GALNT17: variants seen among roughly 807,000 people sequenced by gnomAD.
GALNT17 encodes the protein polypeptide N-acetylgalactosaminyltransferase 17.
A neutral mutation model predicts 63.7 loss-of-function variants in GALNT17; 29 were observed. That is an observed-to-expected ratio of 0.46 (90% CI 0.34 to 0.62). The LOEUF is 0.62. GALNT17 is among the 20% of genes least tolerant of loss of function. The pLI, the probability that GALNT17 is intolerant of heterozygous loss-of-function variation, is 0.01. For synonymous variants in GALNT17, 305 were observed against 318.3 expected (o/e 0.96, Z 0.45); for missense variants, 603 against 799.6 (o/e 0.75, Z 2.97).
intron 2 of GALNT17, among the ~76,000 whole-genome samples, chr7:71,371,855 G>A (rs1027063773): frequency 6.6e-6 from 1 of 152,160 alleles, no homozygotes; most frequent in Non-Finnish European, 1.5e-5. Context: ...CTTGCTTTTG[G>A]TTTGTGGTAC....
intron 6 of GALNT17, among the ~76,000 whole-genome samples, chr7:71,636,742 CCA>C (rs1471755811): frequency 1.3e-5 from 2 of 152,152 alleles, no homozygotes; most frequent in Admixed American, 6.5e-5. Context: ...ACATTTTTCT[CCA>C]GTCTTATTCA....
chr7:71,673,218 G>T (rs925329114), intron 8 of GALNT17, among the ~76,000 whole-genome samples: 11 of 152,096 alleles, frequency 7.2e-5, no homozygotes, highest in African/African-American at 2.7e-4. Flanking sequence ...CTGAAATAAG[G>T]ACAAAGATTT....
intron 1 of GALNT17, among the ~76,000 whole-genome samples, chr7:71,216,236 A>AAG (rs148129870): frequency 2.6e-5 from 4 of 150,976 alleles, no homozygotes; most frequent in East Asian, 1.9e-4. Context: ...CCAAAACATG[A>AAG]AGAGAGAGAG....
intron 1 of GALNT17, among the ~76,000 whole-genome samples, chr7:71,259,045 TTGCAATCACC>T (rs1562953204): frequency 6.6e-6 from 1 of 152,102 alleles, no homozygotes; most frequent in Non-Finnish European, 1.5e-5. Context: ...TCTAATGATA[TTGCAATCACC>T]TAAGACCCCA....
chr7:71,347,145 G>C (rs1792110583), intron 2 of GALNT17, among the ~76,000 whole-genome samples: 1 of 152,062 alleles, frequency 6.6e-6, no homozygotes, highest in South Asian at 2.1e-4. Flanking sequence ...AGTACTTATG[G>C]GTGAATGTTC....
intron 5 of GALNT17, among the ~76,000 whole-genome samples, chr7:71,440,778 A>G (rs921932493): frequency 2.6e-5 from 4 of 152,060 alleles, no homozygotes; most frequent in African/African-American, 9.7e-5. Flanking sequence ...GAAGATTATC[A>G]CTTGTTCTCA....
chr7:71,349,009 G>A (rs1792143139), intron 2 of GALNT17, among the ~76,000 whole-genome samples: 1 of 152,162 alleles, frequency 6.6e-6, no homozygotes, highest in South Asian at 2.1e-4. Flanking sequence ...GCTCACTTTA[G>A]GCAGTTTGCC....
intron 1 of GALNT17, among the ~76,000 whole-genome samples, chr7:71,319,103 T>TTTCTTTCTTTCTTTCTTTCTTTCTTTCC (rs1791556244): frequency 2.7e-5 from 4 of 150,662 alleles, no homozygotes; most frequent in Non-Finnish European, 5.9e-5. Context: ...TTTATCTTTC[T>TTTCTTTCTTTCTTTCTTTCTTTCTTTCC]TTCTTTCTTT....
intron 7 of GALNT17, among the ~76,000 whole-genome samples, chr7:71,666,259 G>C (rs556648412): frequency 2.0e-5 from 3 of 151,594 alleles, no homozygotes; most frequent in African/African-American, 7.3e-5. Context: ...TCAAGCCCCT[G>C]ATGCAAAATG....
At chr7:71,318,736 C>T (rs1407694230) in intron 1 of GALNT17, among the ~76,000 whole-genome samples, 1 of 152,128 alleles carries the variant, frequency 6.6e-6, no homozygotes, top group Admixed American at 6.6e-5. Flanking sequence ...CCCCCTGCAG[C>T]TCTTTGGAGA....
chr7:71,684,939 T>C (rs945217979), intron 9 of GALNT17, among the ~76,000 whole-genome samples: 1 of 151,492 alleles, frequency 6.6e-6, no homozygotes, highest in East Asian at 2.0e-4. Context: ...TGCTAGTATT[T>C]TGGATGTGAG....
At chr7:71,368,375 C>T (rs1792553873) in intron 2 of GALNT17, among the ~76,000 whole-genome samples, 1 of 152,136 alleles carries the variant, frequency 6.6e-6, no homozygotes, top group Admixed American at 6.6e-5. Flanking sequence ...TGTACATTTT[C>T]TCTCCTCTGT....
In GALNT17 at chr7:71,428,152, G is replaced by C. The variant is rs183725842; in HGVS notation, c.962+7047G>C. The stretch of plus-strand genomic sequence containing the variant: ...AAAGTGTGAAGTTCAGTGGCAATAA[G>C]AACATTCCCAGTGTTGTGCAACTAT... On this transcript the variant is annotated intron_variant, in intron 5 of 10. Transcript: ENST00000333538. Among the ~76,000 whole-genome samples, 110 of 152,224 alleles carry C rather than the reference G, an allele frequency of 7.2e-4. 1 individual carries two copies. Among genetic ancestry groups the C allele is most frequent in the African/African-American group, 2.5e-3 (103 of 41,548 alleles).
At chr7:71,264,227 A>G (rs1010705042) in intron 1 of GALNT17, among the ~76,000 whole-genome samples, 7 of 152,168 alleles carry the variant, frequency 4.6e-5, no homozygotes, top group Admixed American at 2.0e-4. Context: ...GGGGTTGAGC[A>G]TGCCGCACAT....
chr7:71,397,939 T>C (rs1344660149), intron 3 of GALNT17, among the ~76,000 whole-genome samples: 1 of 92,076 alleles, frequency 1.1e-5, no homozygotes, highest in Non-Finnish European at 2.3e-5. Flanking sequence ...TCCATTATTG[T>C]CTTTGTTGTT....
intron 1 of GALNT17, among the ~76,000 whole-genome samples, chr7:71,243,847 T>G (rs1413048259): frequency 6.6e-6 from 1 of 152,224 alleles, no homozygotes; most frequent in Non-Finnish European, 1.5e-5. Context: ...ATAAAAGGAC[T>G]GAAACAAGTC....
intron 1 of GALNT17, among the ~76,000 whole-genome samples, chr7:71,225,188 T>C (rs899007967): frequency 3.3e-5 from 5 of 152,132 alleles, no homozygotes; most frequent in African/African-American, 1.2e-4. Flanking sequence ...AGGCTGGTCT[T>C]GAACTCCTGA....
intron 6 of GALNT17, among the ~76,000 whole-genome samples, chr7:71,600,054 A>G (rs1789943271): frequency 6.6e-6 from 1 of 151,772 alleles, no homozygotes; most frequent in Non-Finnish European, 1.5e-5. Flanking sequence ...CTTGGGAACC[A>G]TGGATTTAGA....
At chr7:71,537,639 C>T (rs1788822409) in intron 5 of GALNT17, among the ~76,000 whole-genome samples, 1 of 152,110 alleles carries the variant, frequency 6.6e-6, no homozygotes, top group African/African-American at 2.4e-5. Context: ...TGGCGAAACC[C>T]TGTCTGTGCT....
Sources: gnomAD v4.1 joint callset for allele counts (sites outside exome capture counted in the v4.1 genomes callset) on GRCh38, gnomAD v4.1.1 for gene constraint, MANE v1.5 for transcripts, NCBI Gene and HGNC (gene_info 2026-07-23, HGNC 2026-07-21) for gene names.